The following SKP1 variants were observed in gnomAD, a reference collection of about 807,000 sequenced individuals.
SKP1 encodes the protein S-phase kinase-associated protein 1.
A neutral mutation model predicts 21.5 loss-of-function variants in SKP1; 1 was observed. That is an observed-to-expected ratio of 0.05 (90% CI 0.02 to 0.22). The LOEUF is 0.22. Among genes scored for constraint, SKP1 ranks in the 10% least tolerant of loss-of-function variants. The pLI, the probability that SKP1 is intolerant of heterozygous loss-of-function variation, is 1.00. For synonymous variants in SKP1, 59 were observed against 59.3 expected, an observed-to-expected ratio of 0.99 and a Z score of 0.03; for missense variants, 70 against 192.0, an observed-to-expected ratio of 0.36 and a Z score of 3.76.
Position 134,162,907 on chromosome 5 carries a change from T to C in SKP1, c.172-1777A>G, listed in dbSNP as rs575630613. 2.0e-5 allele frequency among the ~76,000 whole-genome samples: 3 copies of C among 151,950 alleles called. No homozygotes were observed. The East Asian group carries it at 5.8e-4, about 30-fold the overall frequency. On this transcript the variant is annotated intron_variant, in intron 3 of 5. Coordinates refer to ENST00000353411, the MANE Select transcript of SKP1 (RefSeq NM_170679.3). ...GGGCAATATAGAGACACCCCGTCTC[T>C]ACAAAAAATGATGATAATAATAATA...
chr5:134,168,123 A>G (rs563501602), intron 2 of SKP1, among the ~76,000 whole-genome samples: 2 of 152,270 alleles, frequency 1.3e-5, no homozygotes, highest in East Asian at 1.9e-4. Context: ...AAATAAAGGA[A>G]TATTACATAA....
chr5:134,151,830 G>A lies in SKP1; in HGVS notation c.*5903C>T, dbSNP rs974097363. On this transcript the variant is annotated 3_prime_UTR_variant, in exon 6 of 6. Transcript: ENST00000353411. ...CAACAAGTACATTATCAATGAATTA[G>A]CCATCTATCACTCAAACTATGTCCC... 1 of 355,508 alleles carries A rather than the reference G, an allele frequency of 2.8e-6. No homozygotes were observed. The highest frequency in any genetic ancestry group is 5.8e-6 in the Non-Finnish European group (1 of 171,694). 22.0% of individuals were successfully genotyped at this position (355,508 alleles called of 1,614,324 possible).
intron 4 of SKP1, among the ~76,000 whole-genome samples, chr5:134,159,872 G>A (rs1294574517): frequency 2.0e-5 from 3 of 150,436 alleles, no homozygotes; most frequent in Non-Finnish European, 4.4e-5. Context: ...TAGTAGAGAT[G>A]GGGTTTCATC....
intron 1 of SKP1, chr5:134,175,544 T>G (rs1001655061): frequency 7.2e-5 from 11 of 152,204 alleles, no homozygotes; most frequent in Non-Finnish European, 1.0e-4. Context: ...AAATGAACAG[T>G]GCAGAATCAC....
At position 134,157,665 on chromosome 5, in the gene SKP1, TATAAAC is replaced by T. The variant is rs1216377083; in HGVS notation, c.*62_*67del. The T allele has an allele frequency of 1.6e-6, 2 of 1,236,470 alleles. No homozygotes were observed. Among genetic ancestry groups the T allele is most frequent in the Non-Finnish European group, 2.4e-6 (2 of 837,166 alleles). The allele number at this position is 1,236,470 out of a possible 1,614,324, so 76.6% of individuals were successfully genotyped here. On this transcript the variant is annotated 3_prime_UTR_variant, in exon 6 of 6. Transcript: ENST00000353411. ...CTACTGTTTGTCTAATATTAACAAT[TATAAAC>T]AGAGCAGTGCAACTAGTATTTGGAA...
At chr5:134,166,246 T>TG (rs1239685494) in intron 3 of SKP1, among the ~76,000 whole-genome samples, 5 of 142,462 alleles carry the variant, frequency 3.5e-5, no homozygotes, top group African/African-American at 1.4e-4. Context: ...TTTTGTTATA[T>TG]GGAAAAAAAA....
chr5:134,173,643 C>G, intron 2 of SKP1: 1 of 488,206 alleles, frequency 2.0e-6, no homozygotes, highest in South Asian at 1.6e-5. Context: ...TTCAAATTTA[C>G]TTGAACAGAA....
chr5:134,169,694 G>A (rs1024767850), intron 2 of SKP1, among the ~76,000 whole-genome samples: 32 of 151,612 alleles, frequency 2.1e-4, no homozygotes, highest in African/African-American at 7.3e-4. Context: ...GTGAAACCCC[G>A]TTTCTACTAA....
Position 134,157,848 on chromosome 5 carries a change from C to T in SKP1, c.457-80G>A, listed in dbSNP as rs941056623. On this transcript the variant is annotated intron_variant, in intron 5 of 5. Transcript: ENST00000353411. Reference sequence around the variant, plus strand: ...TTATAAATACTACCTACTGATTCATCGATAGCCAGTGAGTTGAGTCAGAAG... The same window carrying T: ...TTATAAATACTACCTACTGATTCATTGATAGCCAGTGAGTTGAGTCAGAAG... The T allele has an allele frequency of 5.3e-5, 86 of 1,610,648 alleles. No individual in the cohort carries two copies. In the East Asian group the frequency reaches 1.1e-3, roughly 21 times the overall value.
rs1192112921 is a variant in SKP1 at position 134,153,451 on chromosome 5, A to T, written c.*4282T>A. 6.5e-6 allele frequency: 1 copy of T among 152,874 alleles called. No homozygotes were observed. Among genetic ancestry groups the T allele is most frequent in the African/African-American group, 2.4e-5 (1 of 41,480 alleles). The allele number at this position is 152,874 out of a possible 1,614,324, so 9.5% of individuals were successfully genotyped here. ...AGCTGTGATCACATCACTGCACTCC[A>T]GCCTGGGGGGCAGAGGTGAGACCTT... On this transcript the variant is annotated 3_prime_UTR_variant, in exon 6 of 6. Transcript: ENST00000353411.
At chr5:134,165,399 G>A (rs1158106222) in intron 3 of SKP1, among the ~76,000 whole-genome samples, 1 of 151,950 alleles carries the variant, frequency 6.6e-6, no homozygotes, top group Non-Finnish European at 1.5e-5. Flanking sequence ...AGACCAGCCT[G>A]GCCAACATGG....
rs1264238812 is a variant in SKP1, at chr5:134,150,157, C to CA, written c.*7575dup. ...GTTCTCTGTGGATATGGTGAGGGTT[C>CA]AGCCCAGCAAGCAGACAAAGCCTAT... is the stretch of plus-strand genomic sequence containing the variant. On this transcript the variant is annotated 3_prime_UTR_variant, in exon 6 of 6. Coordinates refer to ENST00000353411, the MANE Select transcript of SKP1 (RefSeq NM_170679.3). The CA allele has an allele frequency of 6.6e-6, 1 of 152,188 alleles. No individual in the cohort carries two copies. Among genetic ancestry groups the CA allele is most frequent in the African/African-American group, 2.4e-5 (1 of 41,432 alleles). 9.4% of individuals were successfully genotyped at this position (152,188 alleles called of 1,614,324 possible). A position where few individuals can be genotyped will look rare whatever the true frequency, so the allele number is the denominator to read the frequency against.
At chr5:134,163,241 T>C (rs113323544) in intron 3 of SKP1, among the ~76,000 whole-genome samples, 52,174 of 125,446 alleles carry the variant, frequency 0.42, 12,039 homozygotes, top group Non-Finnish European at 0.53. Context: ...TCACTATCAC[T>C]ACTAACAAAA....
chr5:134,153,849 T>G lies in SKP1; in HGVS notation c.*3884A>C, dbSNP rs1414195978. The G allele has an allele frequency of 6.6e-6, 1 of 152,216 alleles. No individual in the cohort carries two copies. The highest frequency in any genetic ancestry group is 1.5e-5 in the Non-Finnish European group (1 of 68,042). The allele number at this position is 152,216 out of a possible 1,614,324, so 9.4% of individuals were successfully genotyped here. On this transcript the variant is annotated 3_prime_UTR_variant, in exon 6 of 6. Transcript: ENST00000353411. ...GATGCCCACAGTGACTCACTGTTAC[T>G]ATCCTCCCTCCCCAGCTAGTTTTAA... is the stretch of plus-strand genomic sequence containing the variant.
At chr5:134,158,729 ACTC>A (rs1244021103) in intron 4 of SKP1, 134 bp from the exon 5 acceptor site, 4 of 744,186 alleles carry the variant, frequency 5.4e-6, no homozygotes, top group Non-Finnish European at 8.9e-6. Flanking sequence ...AGAATAAATC[ACTC>A]CTAAGTTCTT....
At chr5:134,161,936 T>C (rs759463555) in intron 3 of SKP1, 1 of 152,202 alleles carries the variant, frequency 6.6e-6, no homozygotes, top group Non-Finnish European at 1.5e-5. Context: ...AGTGGCTACA[T>C]GGTTGTCTAC....
chr5:134,173,853 C>T (rs975620486), intron 2 of SKP1, 73 bp downstream of exon 2: 1 of 850,270 alleles, frequency 1.2e-6, no homozygotes, highest in Non-Finnish European at 2.1e-6. Flanking sequence ...GGCTGCTGCT[C>T]ATATAAATTT....
rs549549000 is a variant in SKP1 at position 134,151,961 on chromosome 5, C to T, written c.*5772G>A. On this transcript the variant is annotated 3_prime_UTR_variant, in exon 6 of 6. Transcript: ENST00000353411. ...GCAGAAAGGATAACATTCAGCCAAT[C>T]CTGCTTAGGTGTCCAAATGGCTCAA... The T allele has an allele frequency of 1.2e-5, 3 of 251,088 alleles. No homozygotes were observed. In the Admixed American group the frequency reaches 1.4e-4, roughly 12 times the overall value. 15.6% of individuals were successfully genotyped at this position (251,088 alleles called of 1,614,324 possible). A position where few individuals can be genotyped will look rare whatever the true frequency, so the allele number is the denominator to read the frequency against.
rs1286831292 is a variant in SKP1, at chr5:134,149,192, A to G, written c.*8541T>C. Reference sequence around the variant, plus strand: ...TGTACTGTGCACGTAAGTAGTGTACATTGTACTCAACAGGTAGGATTTCAT... The same window carrying G: ...TGTACTGTGCACGTAAGTAGTGTACGTTGTACTCAACAGGTAGGATTTCAT... On this transcript the variant is annotated 3_prime_UTR_variant, in exon 6 of 6. Coordinates refer to ENST00000353411, the MANE Select transcript of SKP1 (RefSeq NM_170679.3). 2.6e-5 allele frequency: 4 copies of G among 152,340 alleles called. No individual in the cohort carries two copies. The highest frequency in any genetic ancestry group is 6.8e-3 in the Middle Eastern group (2 of 294). The allele number at this position is 152,340 out of a possible 1,614,324, so 9.4% of individuals were successfully genotyped here.
Sources: gnomAD v4.1 joint callset for allele counts (sites outside exome capture counted in the v4.1 genomes callset) on GRCh38, gnomAD v4.1.1 for gene constraint, MANE v1.5 for transcripts, NCBI Gene and HGNC (gene_info 2026-07-23, HGNC 2026-07-21) for gene names.